IRAK3: variants seen among roughly 807,000 people sequenced by gnomAD.
The protein encoded by IRAK3 is interleukin-1 receptor-associated kinase 3.
In IRAK3, 57 loss-of-function variants were observed where a neutral mutation model predicts 56.6. The ratio of observed to expected loss-of-function variants is 1.01; its 90% confidence interval spans 0.81 to 1.26. The LOEUF is 1.26. IRAK3 is among the 50% of genes most tolerant of loss of function. IRAK3 has a pLI of 0.00. For missense variants in IRAK3, 703 were observed against 719.0 expected (o/e 0.98, Z 0.25); for synonymous variants, 258 against 255.7 (o/e 1.01, Z -0.09).
rs56274029 is a variant in IRAK3, at chr12:66,228,332, C to T, written c.849C>T (p.Asn283=). ...CCAAAGCCATTCACTACCTGCACAA[C>T]GTTCAACCATGCTCGGTCATCTGTG... ...GISKAIHYLH[N]VQPCSVICGS... is the part of the protein sequence containing the mutation. The change falls in exon 8 of 12, where the codon AAC becomes AAT. Residue 283 remains asparagine (N), a synonymous_variant. Transcript: ENST00000261233. The T allele has an allele frequency of 4.6e-5, 74 of 1,613,890 alleles. 1 individual carries two copies. The East Asian group carries it at 9.4e-4, about 20-fold the overall frequency.
rs2053015860 is a variant in IRAK3, at chr12:66,245,169, G to C, written c.1221G>C (p.Val407=). Residue 407 remains valine (V), a synonymous_variant, in exon 11 of 12, where the codon GTG becomes GTC. Coordinates refer to ENST00000261233, the MANE Select transcript of IRAK3 (RefSeq NM_007199.3). ...GTCTCTCATTTCTAGATAAGAAAGTGCCTCCCTGCCCTCGGAATTTCTCTG... is the reference window on the plus strand; with the variant it reads ...GTCTCTCATTTCTAGATAAGAAAGTCCCTCCCTGCCCTCGGAATTTCTCTG... ...DSCLSFLDKK[V]PPCPRNFSAK... is the part of the protein sequence containing the mutation. 1 of 1,614,026 alleles carries C rather than the reference G, an allele frequency of 6.2e-7. No homozygotes were observed. The highest frequency in any genetic ancestry group is 1.7e-5 in the Admixed American group (1 of 60,002).
intron 1 of IRAK3, chr12:66,197,079 G>A: frequency 5.1e-6 from 7 of 1,361,002 alleles, no homozygotes; most frequent in East Asian, 2.9e-5. Flanking sequence ...AGCCTTCAAG[G>A]ACTTTTGAGC....
At chr12:66,216,917 A>T (rs2052682193) in intron 5 of IRAK3, among the ~76,000 whole-genome samples, 1 of 152,210 alleles carries the variant, frequency 6.6e-6, no homozygotes. Flanking sequence ...TGTGTGCAAA[A>T]TATGATGAAA....
At chr12:66,213,342 G>T (rs1161011920) in intron 5 of IRAK3, among the ~76,000 whole-genome samples, 3 of 152,170 alleles carry the variant, frequency 2.0e-5, no homozygotes, top group African/African-American at 7.2e-5. Flanking sequence ...ATGAATTTGG[G>T]TGGGGACACA....
chr12:66,200,017 C>T (rs1430026353), intron 1 of IRAK3, among the ~76,000 whole-genome samples: 2 of 152,180 alleles, frequency 1.3e-5, no homozygotes, highest in African/African-American at 4.8e-5. Context: ...AGGGCAAAGA[C>T]ATTCTAACTC....
chr12:66,191,424 A>G (rs1200651451), intron 1 of IRAK3, among the ~76,000 whole-genome samples: 1 of 152,088 alleles, frequency 6.6e-6, no homozygotes, highest in African/African-American at 2.4e-5. Context: ...GGTTTCTTGG[A>G]CTGGTTGATG....
intron 1 of IRAK3, among the ~76,000 whole-genome samples, chr12:66,190,324 T>C (rs1056721586): frequency 1.3e-5 from 2 of 152,170 alleles, no homozygotes; most frequent in Non-Finnish European, 2.9e-5. Context: ...AGCAATGGGC[T>C]TCTGGTTATA....
At chr12:66,245,395 A>G (rs982617733) in intron 11 of IRAK3, 133 bp downstream of exon 11, 1 of 958,684 alleles carries the variant, frequency 1.0e-6, no homozygotes, top group South Asian at 1.4e-5. Flanking sequence ...ATTCCAACAT[A>G]ATAGTGTTTC....
At chr12:66,214,600 AG>A (rs2052648794) in intron 5 of IRAK3, among the ~76,000 whole-genome samples, 1 of 151,788 alleles carries the variant, frequency 6.6e-6, no homozygotes, top group Admixed American at 6.6e-5. Flanking sequence ...GACCTGGTAG[AG>A]GGATATTTCA....
intron 6 of IRAK3, among the ~76,000 whole-genome samples, chr12:66,218,679 G>A (rs887176146): frequency 6.6e-6 from 1 of 152,146 alleles, no homozygotes; most frequent in African/African-American, 2.4e-5. Context: ...TGTGTACAAT[G>A]TGATTTGATA....
chr12:66,247,778 T>C lies in IRAK3; in HGVS notation c.1398T>C (p.Pro466=). 6.2e-7 allele frequency: 1 copy of C among 1,614,154 alleles called. No individual in the cohort carries two copies. Among genetic ancestry groups the C allele is most frequent in the Non-Finnish European group, 8.5e-7 (1 of 1,179,958 alleles). Residue 466 remains proline, a synonymous_variant, in exon 12 of 12, where the codon CCT becomes CCC. Transcript: ENST00000261233. ...CATCACTAAAGTCCTTCAGGTGTCC[T>C]TCTCCTCTATTCCTGGAGAATGTAC... ...PPTSLKSFRC[P]SPLFLENVPS...
intron 11 of IRAK3, among the ~76,000 whole-genome samples, chr12:66,247,100 T>A (rs1190342723): frequency 1.3e-5 from 2 of 151,984 alleles, no homozygotes; most frequent in African/African-American, 4.8e-5. Flanking sequence ...CGAAACCCCA[T>A]CTCTACTAAA....
rs2053015860 is a variant in IRAK3 at position 66,245,169 on chromosome 12, G to A, written c.1221G>A (p.Val407=). 1 of 1,614,026 alleles carries A rather than the reference G, an allele frequency of 6.2e-7. No individual in the cohort carries two copies. Among genetic ancestry groups the A allele is most frequent in the African/African-American group, 1.3e-5 (1 of 74,916 alleles). ...GTCTCTCATTTCTAGATAAGAAAGT[G>A]CCTCCCTGCCCTCGGAATTTCTCTG... ...DSCLSFLDKK[V]PPCPRNFSAK... is the part of the protein sequence containing the mutation. Residue 407 remains valine, a synonymous_variant, in exon 11 of 12, where the codon GTG becomes GTA. Transcript: ENST00000261233.
intron 6 of IRAK3, among the ~76,000 whole-genome samples, chr12:66,225,391 A>T (rs56195926): frequency 0.074 from 11,205 of 151,874 alleles, 1,155 homozygotes; most frequent in African/African-American, 0.23. Context: ...GTATGTATAC[A>T]TACACACACA....
At chr12:66,213,863 T>TA (rs1057495184) in intron 5 of IRAK3, among the ~76,000 whole-genome samples, 1 of 150,030 alleles carries the variant, frequency 6.7e-6, no homozygotes, top group Admixed American at 6.6e-5. Context: ...CTGGCCAGAG[T>TA]AACCACTCAG....
intron 11 of IRAK3, among the ~76,000 whole-genome samples, chr12:66,246,217 G>T (rs1183422727): frequency 1.3e-5 from 2 of 152,124 alleles, no homozygotes; most frequent in Non-Finnish European, 2.9e-5. Flanking sequence ...CAGTAAGGAT[G>T]GAAAGACATC....
chr12:66,189,406 A>G lies in IRAK3; in HGVS notation c.107A>G (p.Asp36Gly), dbSNP rs2052377240. 1.6e-5 allele frequency: 23 copies of G among 1,445,436 alleles called. No individual in the cohort carries two copies. The highest frequency in any genetic ancestry group is 2.0e-5 in the Non-Finnish European group (22 of 1,097,888). 89.5% of individuals were successfully genotyped at this position (1,445,436 alleles called of 1,614,324 possible). Residue 36 changes from aspartate (D) to glycine (G), a missense_variant, in exon 1 of 12, where the codon GAC becomes GGC. Asp to Gly is a moderately conservative substitution (Grantham distance 94, BLOSUM62 -1). Transcript: ENST00000261233. The part of the protein sequence containing the change: ...GELCAVLDSC[D>G]GALGWRGLAE... ...CTCTGCGCTGTTCTGGACAGCTGCG[A>G]CGGCGCGCTGGGCTGGCGCGGCCTG...
intron 3 of IRAK3, among the ~76,000 whole-genome samples, 182 bp downstream of exon 3, chr12:66,209,702 A>T (rs567132129): frequency 6.6e-6 from 1 of 152,318 alleles, no homozygotes; most frequent in East Asian, 1.9e-4. Flanking sequence ...GAGATTTATA[A>T]ATATTTGAGA....
At chr12:66,190,417 C>T (rs965447178) in intron 1 of IRAK3, among the ~76,000 whole-genome samples, 1 of 151,232 alleles carries the variant, frequency 6.6e-6, no homozygotes, top group Non-Finnish European at 1.5e-5. Flanking sequence ...TTCTAGAAAA[C>T]GAGATTTCCA....
Sources: allele counts gnomAD v4.1 joint callset (sites outside exome capture counted in the v4.1 genomes callset), GRCh38; gene constraint gnomAD v4.1.1; transcripts MANE v1.5; gene names NCBI Gene and HGNC (gene_info 2026-07-23, HGNC 2026-07-21).